BRD4: variants seen among roughly 807,000 people sequenced by gnomAD.
The protein encoded by BRD4 is bromodomain containing 4.
Under a neutral mutation model 142.1 loss-of-function variants are expected in BRD4, and 16 were observed. That is an observed-to-expected ratio of 0.11 (90% CI 0.08 to 0.17). The LOEUF (loss-of-function observed/expected upper bound fraction) is 0.17, where lower values mean the gene tolerates loss of function less well. Among genes scored for constraint, BRD4 ranks in the 10% least tolerant of loss-of-function variants. The pLI is 1.00. For synonymous variants in BRD4, 833 were observed against 707.5 expected, an observed-to-expected ratio of 1.18 and a Z score of -2.82; for missense variants, 1,424 against 1,810.9, an observed-to-expected ratio of 0.79 and a Z score of 3.88.
chr19:15,316,995 A>G (rs1334676744), intron 1 of BRD4, among the ~76,000 whole-genome samples: 1 of 152,184 alleles, frequency 6.6e-6, no homozygotes, highest in Non-Finnish European at 1.5e-5. Context: ...AGCACTTCTG[A>G]GCTCTACCCT....
chr19:15,285,700 A>G (rs1357568892), intron 1 of BRD4, among the ~76,000 whole-genome samples: 3 of 152,256 alleles, frequency 2.0e-5, no homozygotes, highest in African/African-American at 4.8e-5. Flanking sequence ...AGATGGCAAG[A>G]TAACATAAAA....
chr19:15,255,482 T>A lies in BRD4; in HGVS notation c.1862A>T (p.Asp621Val). The change falls in exon 10 of 20, where the codon GAC becomes GTC. Residue 621 changes from aspartate (D) to valine (V), a missense_variant. Physicochemically the swap from Asp to Val is radical, Grantham distance 152 (BLOSUM62 -3). Transcript: ENST00000679869. Reference sequence around the variant, plus strand: ...CTTCTCGCCGGGGAGCTTGTTGATGTCCAAGCTGAGCTGCCGCTTCTCCTC... The same window carrying A: ...CTTCTCGCCGGGGAGCTTGTTGATGACCAAGCTGAGCTGCCGCTTCTCCTC... ...SYEEKRQLSL[D>V]INKLPGEKLG... 1 of 1,614,134 alleles carries A rather than the reference T, an allele frequency of 6.2e-7. No homozygotes were observed. Among genetic ancestry groups the A allele is most frequent in the Non-Finnish European group, 8.5e-7 (1 of 1,180,032 alleles).
intron 1 of BRD4, among the ~76,000 whole-genome samples, chr19:15,281,444 ACACAATCT>A (rs2047703819): frequency 6.6e-6 from 1 of 152,226 alleles, no homozygotes; most frequent in African/African-American, 2.4e-5. Context: ...ACTGGGCGGG[ACACAATCT>A]CACCAACCAG....
chr19:15,237,854 A>C lies in BRD4; in HGVS notation c.*523T>G, dbSNP rs1239072437. The C allele has an allele frequency of 4.2e-6, 1 of 238,156 alleles. No individual in the cohort carries two copies. Among genetic ancestry groups the C allele is most frequent in the Admixed American group, 5.4e-5 (1 of 18,490 alleles). The allele number at this position is 238,156 out of a possible 1,614,324, so 14.8% of individuals were successfully genotyped here. On this transcript the variant is annotated 3_prime_UTR_variant, in exon 20 of 20. Coordinates refer to ENST00000679869, the MANE Select transcript of BRD4 (RefSeq NM_001379291.1). ...GAGGGTCGGGGGGTCTGTTCAAGGCAAAGTCAGTGCCAGCGAGGGGGTGGG... is the reference window on the plus strand; with the variant it reads ...GAGGGTCGGGGGGTCTGTTCAAGGCCAAGTCAGTGCCAGCGAGGGGGTGGG...
Position 15,238,116 on chromosome 19 carries a change from G to A in BRD4, c.*261C>T, listed in dbSNP as rs1436887706. 5.9e-6 allele frequency: 3 copies of A among 512,144 alleles called. No homozygotes were observed. The highest frequency in any genetic ancestry group is 2.2e-5 in the South Asian group (1 of 44,804). The allele number at this position is 512,144 out of a possible 1,614,324, so 31.7% of individuals were successfully genotyped here. A position where few individuals can be genotyped will look rare whatever the true frequency, so the allele number is the denominator to read the frequency against. On this transcript the variant is annotated 3_prime_UTR_variant, in exon 20 of 20. Transcript: ENST00000679869. This position sits in a 1 kb window ranked among gnomAD's most constrained non-coding sequence, Gnocchi z 7.2. Reference sequence around the variant, plus strand: ...GGGATGCAGGGCTTGGGTCCAGCCGGCACTTGCTCGTAACAAGGCGTGTGC... The same window carrying A: ...GGGATGCAGGGCTTGGGTCCAGCCGACACTTGCTCGTAACAAGGCGTGTGC...
intron 1 of BRD4, among the ~76,000 whole-genome samples, chr19:15,315,736 G>A (rs1013922725): frequency 2.6e-5 from 4 of 151,998 alleles, no homozygotes; most frequent in African/African-American, 9.7e-5. Context: ...GGCGCCTGTA[G>A]TCCCAGCTAC....
At chr19:15,241,864 G>C (rs2145507261) in intron 14 of BRD4, among the ~76,000 whole-genome samples, 1 of 148,082 alleles carries the variant, frequency 6.8e-6, no homozygotes, top group East Asian at 2.0e-4. Flanking sequence ...CCAGACTGGA[G>C]TGCAGTGGCA....
rs199735840 is a variant in BRD4, at chr19:15,239,624, C to A, written c.3445+35G>T. The stretch of plus-strand genomic sequence containing the variant: ...TATGTCCAACACGGGCCTCGGGGGG[C>A]CTGAGCCCTGGCTGTGGGCAGGGAG... On this transcript the variant is annotated intron_variant, in intron 16 of 19. Transcript: ENST00000679869. The surrounding 1 kb of genome is among the most constrained non-coding windows in gnomAD (Gnocchi z 7.4). 1 of 1,559,912 alleles carries A rather than the reference C, an allele frequency of 6.4e-7. No homozygotes were observed. The highest frequency in any genetic ancestry group is 1.2e-5 in the South Asian group (1 of 84,400).
At chr19:15,329,020 G>A (rs1247191769) in intron 1 of BRD4, among the ~76,000 whole-genome samples, 1 of 151,756 alleles carries the variant, frequency 6.6e-6, no homozygotes, top group Admixed American at 6.6e-5. Context: ...TGATCTGCCC[G>A]CCTCGGCCTC....
intron 1 of BRD4, among the ~76,000 whole-genome samples, chr19:15,308,455 C>T (rs1051261066): frequency 1.5e-4 from 23 of 151,322 alleles, no homozygotes; most frequent in Non-Finnish European, 2.9e-4. Context: ...GGTGTGGTGG[C>T]GTGCACCTGT....
intron 1 of BRD4, among the ~76,000 whole-genome samples, chr19:15,309,566 A>T (rs557229634): frequency 6.6e-6 from 1 of 152,170 alleles, no homozygotes; most frequent in Non-Finnish European, 1.5e-5. Context: ...TCCCCTACGC[A>T]TATGCCAAGA....
chr19:15,284,309 C>T (rs757671202), intron 1 of BRD4, among the ~76,000 whole-genome samples: 30 of 152,124 alleles, frequency 2.0e-4, no homozygotes, highest in African/African-American at 2.9e-4. Context: ...GAAAAGGGAA[C>T]GCAGAATGTG....
chr19:15,273,202 C>T, intron 1 of BRD4, 69 bp from the exon 2 acceptor site: 1 of 1,448,820 alleles, frequency 6.9e-7, no homozygotes, highest in Non-Finnish European at 9.2e-7. Context: ...AATGACAAGT[C>T]CCTCTGGCTG....
chr19:15,266,413 G>C (rs946528514), intron 4 of BRD4, among the ~76,000 whole-genome samples: 5 of 152,188 alleles, frequency 3.3e-5, no homozygotes, highest in African/African-American at 1.2e-4. Context: ...GCAAGGGTGA[G>C]ATTCTGCTGA....
intron 1 of BRD4, among the ~76,000 whole-genome samples, chr19:15,284,170 G>A (rs1044544153): frequency 3.9e-5 from 6 of 152,310 alleles, no homozygotes; most frequent in African/African-American, 1.4e-4. Flanking sequence ...ACACCTGTCA[G>A]TATCTAGACA....
At chr19:15,328,525 C>T (rs2048129066) in intron 1 of BRD4, among the ~76,000 whole-genome samples, 1 of 152,134 alleles carries the variant, frequency 6.6e-6, no homozygotes, top group African/African-American at 2.4e-5. Context: ...CCGAGGGACC[C>T]CAGCGTTATC....
chr19:15,289,833 G>A (rs140521134), intron 1 of BRD4, among the ~76,000 whole-genome samples: 126 of 152,266 alleles, frequency 8.3e-4, no homozygotes, highest in African/African-American at 2.9e-3. Flanking sequence ...TTCTGCCCAC[G>A]GGGCACCACC....
At chr19:15,274,861 G>C (rs1000983984) in intron 1 of BRD4, among the ~76,000 whole-genome samples, 4 of 151,320 alleles carry the variant, frequency 2.6e-5, no homozygotes, top group African/African-American at 9.7e-5. Flanking sequence ...CGAGGAAGCT[G>C]AATTTTCCTT....
intron 1 of BRD4, among the ~76,000 whole-genome samples, chr19:15,319,614 AAAAAAT>A (rs1255943451): frequency 6.6e-6 from 1 of 150,424 alleles, no homozygotes; most frequent in Non-Finnish European, 1.5e-5. Flanking sequence ...ACCCTGTCTT[AAAAAAT>A]AAAAATAAAA....
Sources: allele counts gnomAD v4.1 joint callset (sites outside exome capture counted in the v4.1 genomes callset), GRCh38; gene constraint gnomAD v4.1.1; non-coding constraint Gnocchi (gnomAD v3.1); transcripts MANE v1.5; gene names NCBI Gene and HGNC (gene_info 2026-07-23, HGNC 2026-07-21).